TTLL1: variants seen among roughly 807,000 people sequenced by gnomAD.
TTLL1 encodes polyglutamylase complex subunit TTLL1.
A neutral mutation model predicts 47.8 loss-of-function variants in TTLL1; 33 were observed. The observed-to-expected ratio is 0.69, with a 90% CI of 0.52 to 0.92. The LOEUF is 0.92. Ranked by LOEUF, TTLL1 falls within the 40% of genes least tolerant of loss-of-function variation. The probability of loss-of-function intolerance (pLI) is 0.00; values close to 1 mark genes in which losing one functional copy is unlikely to be tolerated. For missense variants in TTLL1, 488 were observed against 547.5 expected (o/e 0.89, Z 1.08); for synonymous variants, 225 against 214.1 (o/e 1.05, Z -0.45).
intron 1 of TTLL1, among the ~76,000 whole-genome samples, chr22:43,087,821 CAG>C (rs1035274200): frequency 3.6e-5 from 4 of 111,270 alleles, no homozygotes; most frequent in African/African-American, 7.9e-5. Flanking sequence ...GCCTGGGTGA[CAG>C]AGTGAGACGG....
chr22:43,070,092 G>C, intron 3 of TTLL1: 1 of 1,303,264 alleles, frequency 7.7e-7, no homozygotes, highest in South Asian at 1.3e-5. Context: ...CTCTGGCCCG[G>C]AGCAGGCACT....
chr22:43,065,360 G>A lies in TTLL1; in HGVS notation c.504-1036C>T, dbSNP rs1927661556. The stretch of plus-strand genomic sequence containing the variant: ...GCTGGAGTGCACTGGCGTGATCTTG[G>A]CTCACTGCAACCTCCACCTCCTGGG... On this transcript the variant is annotated intron_variant, in intron 5 of 10. Transcript: ENST00000266254. 2.0e-5 allele frequency among the ~76,000 whole-genome samples: 3 copies of A among 151,700 alleles called. No homozygotes were observed. The Admixed American group carries it at 2.0e-4, about 10-fold the overall frequency.
rs1214311897 is a variant in TTLL1, at chr22:43,050,548, T to C, written c.978+1253A>G. Reference sequence around the variant, plus strand: ...TTGTTTGTTTGTTTTTGAGACAAAGTCTCTCCTCTGTCACCCAAGGTTGGA... The same window carrying C: ...TTGTTTGTTTGTTTTTGAGACAAAGCCTCTCCTCTGTCACCCAAGGTTGGA... On this transcript the variant is annotated intron_variant, in intron 9 of 10. Coordinates refer to ENST00000266254, the MANE Select transcript of TTLL1 (RefSeq NM_012263.5). Among the ~76,000 whole-genome samples the C allele has an allele frequency of 1.3e-5, 2 of 151,088 alleles. 1 individual carries two copies. Among genetic ancestry groups the C allele is most frequent in the South Asian group, 4.2e-4 (2 of 4,780 alleles).
chr22:43,040,857 T>C lies in TTLL1; in HGVS notation c.1143-952A>G, dbSNP rs1230908552. ...CCTGAATTTTCGTGTCTGGAAGAGC[T>C]GGATGCCAGCTGCAGCTCCCCAGAC... On this transcript the variant is annotated intron_variant, in intron 10 of 10. Coordinates refer to ENST00000266254, the MANE Select transcript of TTLL1 (RefSeq NM_012263.5). Among the ~76,000 whole-genome samples, 4 of 152,352 alleles carry C rather than the reference T, an allele frequency of 2.6e-5. No individual in the cohort carries two copies. In the East Asian group the frequency reaches 7.7e-4, roughly 29 times the overall value.
chr22:43,074,034 T>C (rs1928313569), intron 3 of TTLL1, among the ~76,000 whole-genome samples: 1 of 150,238 alleles, frequency 6.7e-6, no homozygotes, highest in African/African-American at 2.4e-5. Flanking sequence ...ATGTTGGTCA[T>C]GCTGGTCTCC....
At chr22:43,052,072 C>G in intron 8 of TTLL1, 185 bp from the exon 9 acceptor site, 1 of 608,010 alleles carries the variant, frequency 1.6e-6, no homozygotes. Context: ...AGATTGGGCA[C>G]TTTCCTCAGC....
chr22:43,077,239 C>T (rs1421201007), intron 2 of TTLL1, among the ~76,000 whole-genome samples: 3 of 152,192 alleles, frequency 2.0e-5, no homozygotes, highest in African/African-American at 7.2e-5. Flanking sequence ...CCTTTACCCT[C>T]TGTTCTGCCA....
intron 3 of TTLL1, among the ~76,000 whole-genome samples, chr22:43,073,137 T>C (rs1340420575): frequency 6.6e-6 from 1 of 151,014 alleles, no homozygotes; most frequent in Non-Finnish European, 1.5e-5. Context: ...TGCCTCAGCC[T>C]CTCAAGTAGC....
Position 43,064,173 on chromosome 22 carries a change from A to C in TTLL1, c.638+17T>G. On this transcript the variant is annotated intron_variant, in intron 6 of 10. Transcript: ENST00000266254. ...AAAACACAATCAAGAGGGAACCAAAACCTTAGGGACGCTTACATGTAACAG... is the reference window on the plus strand; with the variant it reads ...AAAACACAATCAAGAGGGAACCAAACCCTTAGGGACGCTTACATGTAACAG... The C allele has an allele frequency of 6.2e-7, 1 of 1,602,368 alleles. No homozygotes were observed. The highest frequency in any genetic ancestry group is 8.5e-7 in the Non-Finnish European group (1 of 1,176,702).
intron 1 of TTLL1, among the ~76,000 whole-genome samples, chr22:43,082,950 G>T (rs1338965101): frequency 6.6e-6 from 1 of 150,878 alleles, no homozygotes; most frequent in Non-Finnish European, 1.5e-5. Context: ...GGAGGCAGAG[G>T]TTGCAATGAG....
intron 2 of TTLL1, among the ~76,000 whole-genome samples, chr22:43,076,226 C>G (rs1928474825): frequency 6.6e-6 from 1 of 150,822 alleles, no homozygotes; most frequent in East Asian, 2.0e-4. Flanking sequence ...GAGGCCGAGG[C>G]AGGCGGATCG....
At position 43,048,583 on chromosome 22, in the gene TTLL1, G is replaced by A. The variant is rs571031424; in HGVS notation, c.979-2010C>T. 1.2e-4 allele frequency among the ~76,000 whole-genome samples: 18 copies of A among 151,096 alleles called. No individual in the cohort carries two copies. The South Asian group carries it at 1.9e-3, about 16-fold the overall frequency. ...TGAGCCCAGGAGTTCAAGTTGCGGC[G>A]AGCAATGATGGTGACATTGCACTCC... On this transcript the variant is annotated intron_variant, in intron 9 of 10. Coordinates refer to ENST00000266254, the MANE Select transcript of TTLL1 (RefSeq NM_012263.5).
intron 1 of TTLL1, among the ~76,000 whole-genome samples, chr22:43,083,980 C>T (rs2146995849): frequency 6.6e-6 from 1 of 152,220 alleles, no homozygotes; most frequent in Admixed American, 6.6e-5. Context: ...GGTTAATTTC[C>T]TTGACATTAT....
chr22:43,080,902 C>CTTTTTTTTTTTTTTTTTTT lies in TTLL1; in HGVS notation c.-89-935_-89-917dup, dbSNP rs10529079. On this transcript the variant is annotated intron_variant, in intron 1 of 10. Transcript: ENST00000266254. Reference sequence around the variant, plus strand: ...GTCACCTGTTCCCAGTGTTGCATGACTTTTTTTTTTTTTTTTTTTTTTTTT... The same window carrying CTTTTTTTTTTTTTTTTTTT: ...GTCACCTGTTCCCAGTGTTGCATGACTTTTTTTTTTTTTTTTTTTTTTTTTTTTTTTTTTTTTTTTTTTT... Among the ~76,000 whole-genome samples the CTTTTTTTTTTTTTTTTTTT allele has an allele frequency of 1.3e-4, 9 of 69,302 alleles. 1 individual carries two copies. Among genetic ancestry groups the CTTTTTTTTTTTTTTTTTTT allele is most frequent in the Admixed American group, 3.8e-4 (2 of 5,254 alleles). 45.5% of individuals were successfully genotyped at this position (69,302 alleles called of 152,430 possible). A position where few individuals can be genotyped will look rare whatever the true frequency, so the allele number is the denominator to read the frequency against.
At chr22:43,046,595 T>G (rs1291701526) in intron 9 of TTLL1, 22 bp from the exon 10 acceptor site, 1 of 1,609,854 alleles carries the variant, frequency 6.2e-7, no homozygotes, top group Non-Finnish European at 8.5e-7. Flanking sequence ...AAGACCCATG[T>G]TCCTCACCTG....
At chr22:43,044,357 T>C (rs1163412870) in intron 10 of TTLL1, among the ~76,000 whole-genome samples, 1 of 152,086 alleles carries the variant, frequency 6.6e-6, no homozygotes, top group Non-Finnish European at 1.5e-5. Flanking sequence ...CACCTGCTCC[T>C]CCTGTTCCAG....
intron 3 of TTLL1, among the ~76,000 whole-genome samples, chr22:43,071,313 T>A (rs980977632): frequency 2.6e-5 from 4 of 152,198 alleles, no homozygotes; most frequent in Non-Finnish European, 4.4e-5. Flanking sequence ...CAGTGCTTGA[T>A]TCTTTCCCTT....
chr22:43,043,493 C>T (rs950395836), intron 10 of TTLL1, among the ~76,000 whole-genome samples: 1 of 152,020 alleles, frequency 6.6e-6, no homozygotes, highest in Non-Finnish European at 1.5e-5. Flanking sequence ...CCCCGAAGGC[C>T]GCCATCGCAG....
chr22:43,047,618 A>G (rs1386388940), intron 9 of TTLL1, among the ~76,000 whole-genome samples: 3 of 151,918 alleles, frequency 2.0e-5, no homozygotes, highest in Non-Finnish European at 4.4e-5. Context: ...ACAGGCATGC[A>G]CCACCACGCC....
Sources: gnomAD v4.1 joint callset for allele counts (sites outside exome capture counted in the v4.1 genomes callset) on GRCh38, gnomAD v4.1.1 for gene constraint, MANE v1.5 for transcripts, NCBI Gene and HGNC (gene_info 2026-07-23, HGNC 2026-07-21) for gene names.